Variants in SLC30A9 observed in about 807,000 individuals in gnomAD.
SLC30A9 encodes the protein proton-coupled zinc antiporter SLC30A9, mitochondrial.
Under a neutral mutation model 87.5 loss-of-function variants are expected in SLC30A9, and 58 were observed. The ratio of observed to expected loss-of-function variants is 0.66; its 90% CI spans 0.54 to 0.82. SLC30A9 has a LOEUF of 0.82. SLC30A9 is among the 40% of genes least tolerant of loss of function. SLC30A9 has a pLI of 0.00. For missense variants in SLC30A9, 557 were observed against 679.1 expected, an observed-to-expected ratio of 0.82 and a Z score of 2.00; for synonymous variants, 234 against 233.0, an observed-to-expected ratio of 1.00 and a Z score of -0.04.
At chr4:42,076,713 C>A (rs879539716) in intron 16 of SLC30A9, among the ~76,000 whole-genome samples, 9 of 152,016 alleles carry the variant, frequency 5.9e-5, no homozygotes, top group Non-Finnish European at 1.2e-4. Context: ...TCTGTAATCC[C>A]AGCACTTTGG....
chr4:42,068,078 C>G (rs968607034), intron 14 of SLC30A9, among the ~76,000 whole-genome samples: 9 of 152,140 alleles, frequency 5.9e-5, no homozygotes, highest in Non-Finnish European at 8.8e-5. Context: ...CTGATACTCA[C>G]TGATTCACCA....
In SLC30A9 at chr4:42,022,946, T is replaced by A; in HGVS notation, c.527+16T>A. On this transcript the variant is annotated intron_variant, in intron 5 of 17. Coordinates refer to ENST00000264451, the MANE Select transcript of SLC30A9 (RefSeq NM_006345.4). ...TGGAAGCAAAGTAAGAACATAGTTC[T>A]TTCAGAATAAAAGTGCAAACCAAAT... 6.9e-7 allele frequency: 1 copy of A among 1,449,922 alleles called. No individual in the cohort carries two copies. Among genetic ancestry groups the A allele is most frequent in the Non-Finnish European group, 9.4e-7 (1 of 1,062,632 alleles). 89.8% of individuals were successfully genotyped at this position (1,449,922 alleles called of 1,614,324 possible).
At chr4:42,014,396 CA>C (rs1429087690) in intron 2 of SLC30A9, among the ~76,000 whole-genome samples, 1 of 151,954 alleles carries the variant, frequency 6.6e-6, no homozygotes, top group Admixed American at 6.6e-5. Context: ...GAAAGGAAAA[CA>C]TACAAAAAAA....
intron 7 of SLC30A9, among the ~76,000 whole-genome samples, chr4:42,036,223 T>G (rs1380192714): frequency 6.6e-6 from 1 of 152,238 alleles, no homozygotes; most frequent in East Asian, 1.9e-4. Context: ...TTGACTTTGC[T>G]TCATATTTTA....
chr4:42,029,325 CATA>C (rs1716322585), intron 6 of SLC30A9: 1 of 532,060 alleles, frequency 1.9e-6, no homozygotes, highest in African/African-American at 1.9e-5. Context: ...TTCTATTCTA[CATA>C]ATATTTTATG....
At chr4:42,059,703 C>T (rs1473502417) in intron 9 of SLC30A9, among the ~76,000 whole-genome samples, 1 of 152,120 alleles carries the variant, frequency 6.6e-6, no homozygotes, top group African/African-American at 2.4e-5. Flanking sequence ...GAGATACAAA[C>T]ATAGTTACTT....
At chr4:42,047,103 G>C (rs192834325) in intron 8 of SLC30A9, among the ~76,000 whole-genome samples, 2 of 152,072 alleles carry the variant, frequency 1.3e-5, no homozygotes, top group Non-Finnish European at 2.9e-5. Flanking sequence ...AGACTTAAAC[G>C]TAAGACCTAA....
At chr4:42,058,356 G>C (rs559443160) in intron 9 of SLC30A9, among the ~76,000 whole-genome samples, 1 of 152,122 alleles carries the variant, frequency 6.6e-6, no homozygotes, top group African/African-American at 2.4e-5. Flanking sequence ...TTTATTGTCC[G>C]TATTGCTGTC....
chr4:42,062,728 C>T (rs1717913413), intron 10 of SLC30A9, among the ~76,000 whole-genome samples: 1 of 152,134 alleles, frequency 6.6e-6, no homozygotes, highest in Non-Finnish European at 1.5e-5. Flanking sequence ...AAGTAGCTCT[C>T]TAAATCAAAA....
At chr4:42,040,129 A>G (rs1296557889) in intron 8 of SLC30A9, among the ~76,000 whole-genome samples, 1 of 152,180 alleles carries the variant, frequency 6.6e-6, no homozygotes, top group Non-Finnish European at 1.5e-5. Context: ...TGTGTAAATA[A>G]TGTACCATTC....
chr4:42,090,068 G>A lies in SLC30A9; in HGVS notation c.*3942G>A, dbSNP rs532156569. On this transcript the variant is annotated 3_prime_UTR_variant, in exon 18 of 18. Transcript: ENST00000264451. ...CTGGGAACTACAGAAAACTGCATAG[G>A]CATTTAGAATTTGTATTATCTTCTT... The A allele has an allele frequency of 6.6e-6, 1 of 152,298 alleles. No individual in the cohort carries two copies. Among genetic ancestry groups the A allele is most frequent in the South Asian group, 2.1e-4 (1 of 4,822 alleles). 9.4% of individuals were successfully genotyped at this position (152,298 alleles called of 1,614,324 possible).
At position 42,089,974 on chromosome 4, in the gene SLC30A9, T is replaced by G. The variant is rs1577731525; in HGVS notation, c.*3848T>G. The stretch of plus-strand genomic sequence containing the variant: ...CTTATCTCATAATTTAGGTAATGAT[T>G]TTTGCTAAAATGATAACCATCTAAA... On this transcript the variant is annotated 3_prime_UTR_variant, in exon 18 of 18. Coordinates refer to ENST00000264451, the MANE Select transcript of SLC30A9 (RefSeq NM_006345.4). The G allele has an allele frequency of 6.6e-6, 1 of 152,222 alleles. No homozygotes were observed. The highest frequency in any genetic ancestry group is 1.9e-4 in the East Asian group (1 of 5,196). 9.4% of individuals were successfully genotyped at this position (152,222 alleles called of 1,614,324 possible).
intron 6 of SLC30A9, 151 bp from the exon 7 acceptor site, chr4:42,035,124 C>A: frequency 3.2e-6 from 2 of 621,298 alleles, no homozygotes; most frequent in South Asian, 2.2e-5. Flanking sequence ...ATTTTTTAAT[C>A]AGTTTACAAA....
rs554092951 is a variant in SLC30A9 at position 42,050,669 on chromosome 4, C to G, written c.840+1190C>G. Among the ~76,000 whole-genome samples, 26 of 152,300 alleles carry G rather than the reference C, an allele frequency of 1.7e-4. 1 individual carries two copies. In the South Asian group the frequency reaches 5.4e-3, roughly 32 times the overall value. ...TATGTTCAGAACTTCTGCTTTCACC[C>G]ATGACAGACTAACAGGGATTGAGTT... On this transcript the variant is annotated intron_variant, in intron 9 of 17. Coordinates refer to ENST00000264451, the MANE Select transcript of SLC30A9 (RefSeq NM_006345.4).
chr4:42,084,008 G>GAAT (rs1347042352), intron 17 of SLC30A9, among the ~76,000 whole-genome samples: 1 of 152,166 alleles, frequency 6.6e-6, no homozygotes, highest in Non-Finnish European at 1.5e-5. Context: ...TATTCTGCCA[G>GAAT]ATTTTGTTTT....
At chr4:42,048,471 G>T (rs546420104) in intron 8 of SLC30A9, among the ~76,000 whole-genome samples, 1 of 151,602 alleles carries the variant, frequency 6.6e-6, no homozygotes, top group East Asian at 2.0e-4. Context: ...ATAAAATGGG[G>T]GTGTTAATAT....
intron 9 of SLC30A9, among the ~76,000 whole-genome samples, chr4:42,057,707 C>A (rs1258212192): frequency 6.6e-6 from 1 of 152,212 alleles, no homozygotes; most frequent in Non-Finnish European, 1.5e-5. Context: ...ATGCAAATTT[C>A]TGCAGCTGGC....
chr4:42,002,284 T>C (rs1405871485), intron 2 of SLC30A9, among the ~76,000 whole-genome samples: 1 of 152,190 alleles, frequency 6.6e-6, no homozygotes, highest in East Asian at 1.9e-4. Context: ...TAACTTCAAC[T>C]TTTGTTTAGA....
chr4:42,022,219 G>A (rs1213680186), intron 4 of SLC30A9, among the ~76,000 whole-genome samples: 2 of 149,498 alleles, frequency 1.3e-5, no homozygotes, highest in East Asian at 3.9e-4. Flanking sequence ...ACAGGTGTGA[G>A]CTACCGCACC....
Sources: gnomAD v4.1 joint callset for allele counts (sites outside exome capture counted in the v4.1 genomes callset) on GRCh38, gnomAD v4.1.1 for gene constraint, MANE v1.5 for transcripts, NCBI Gene and HGNC (gene_info 2026-07-23, HGNC 2026-07-21) for gene names.